The following RIMBP2 variants were observed in gnomAD, a reference collection of about 807,000 sequenced individuals.
RIMBP2 encodes the protein RIMS-binding protein 2.
Under a neutral mutation model 118.6 loss-of-function variants are expected in RIMBP2, and 48 were observed. That is an observed-to-expected ratio of 0.40 (90% CI 0.32 to 0.51). The LOEUF (loss-of-function observed/expected upper bound fraction) is 0.51, where lower values mean the gene tolerates loss of function less well. Among genes scored for constraint, RIMBP2 ranks in the 20% least tolerant of loss-of-function variants. RIMBP2 has a pLI of 0.41. For synonymous variants in RIMBP2, 762 were observed against 742.9 expected, an observed-to-expected ratio of 1.03 and a Z score of -0.42; for missense variants, 1,551 against 1,768.3, an observed-to-expected ratio of 0.88 and a Z score of 2.20.
At chr12:130,594,180 C>T (rs2059428973) in intron 2 of RIMBP2, among the ~76,000 whole-genome samples, 1 of 152,224 alleles carries the variant, frequency 6.6e-6, no homozygotes, top group Non-Finnish European at 1.5e-5. Context: ...TGGGAAGAAC[C>T]TTCCGTCATG....
At chr12:130,616,116 G>A (rs556675802) in intron 2 of RIMBP2, among the ~76,000 whole-genome samples, 23 of 152,222 alleles carry the variant, frequency 1.5e-4, no homozygotes, top group Middle Eastern at 3.4e-3. Flanking sequence ...AGGGATGTCT[G>A]ATGTTACAGA....
In RIMBP2 at chr12:130,451,244, G is replaced by A. The variant is rs2078984890; in HGVS notation, c.455C>T (p.Pro152Leu). 6.2e-7 allele frequency: 1 copy of A among 1,614,146 alleles called. No homozygotes were observed. ...GDRPEPLSAK[P>L]TFLSRSGSAR... ...GCTACCGGATCTCGACAGGAAGGTG[G>A]GCTTGGCGGACAGAGGCTCCGGCCT... The change falls in exon 8 of 23, where the codon CCC (proline) becomes CTC (leucine). Residue 152 changes from proline to leucine, a missense_variant. Pro to Leu is a moderately conservative substitution (Grantham distance 98). Transcript: ENST00000690449.
rs940402901 is a variant in RIMBP2 at position 130,469,464 on chromosome 12, G to A, written c.153+1229C>T. Among the ~76,000 whole-genome samples the A allele has an allele frequency of 3.8e-4, 58 of 152,180 alleles. 1 individual carries two copies. The highest frequency in any genetic ancestry group is 6.3e-4 in the Non-Finnish European group (43 of 68,040). ...AGGAGACGATGCAAATTAAAGTGCGGTGGATAACTCAGGCCAGGGAAAGTG... is the reference window on the plus strand; with the variant it reads ...AGGAGACGATGCAAATTAAAGTGCGATGGATAACTCAGGCCAGGGAAAGTG... On this transcript the variant is annotated intron_variant, in intron 6 of 22. Coordinates refer to ENST00000690449, the MANE Select transcript of RIMBP2 (RefSeq NM_001393629.1). The surrounding 1 kb of genome is among the most constrained non-coding windows in gnomAD (Gnocchi z 4.8).
Position 130,581,067 on chromosome 12 carries a change from G to A in RIMBP2, c.-217+47255C>T, listed in dbSNP as rs577783877. On this transcript the variant is annotated intron_variant, in intron 2 of 22. Transcript: ENST00000690449. The surrounding 1 kb of genome is among the most constrained non-coding windows in gnomAD (Gnocchi z 4.4). ...GCACTGAGGCAGGGGCCTCGTGGCC[G>A]CACCCTCATCCTGCCCTTCACCTGC... 3.9e-5 allele frequency among the ~76,000 whole-genome samples: 6 copies of A among 152,100 alleles called. No homozygotes were observed. Among genetic ancestry groups the A allele is most frequent in the Admixed American group, 2.0e-4 (3 of 15,274 alleles).
intron 2 of RIMBP2, among the ~76,000 whole-genome samples, chr12:130,551,155 C>T (rs1274999556): frequency 6.6e-6 from 1 of 152,082 alleles, no homozygotes; most frequent in Non-Finnish European, 1.5e-5. Flanking sequence ...TCAAGTGAAG[C>T]AGGAATTACA....
intron 2 of RIMBP2, among the ~76,000 whole-genome samples, chr12:130,597,238 ATTT>A (rs923254980): frequency 1.3e-4 from 20 of 152,156 alleles, no homozygotes; most frequent in African/African-American, 4.1e-4. Context: ...CATCGTTTTT[ATTT>A]TTATTTATTT....
intron 1 of RIMBP2, among the ~76,000 whole-genome samples, chr12:130,675,713 G>A (rs182851384): frequency 9.9e-4 from 151 of 152,238 alleles, no homozygotes; most frequent in African/African-American, 3.6e-3. Flanking sequence ...CACAATTACA[G>A]CACTCCGATA....
chr12:130,633,986 G>A (rs996741037), intron 1 of RIMBP2: 2 of 152,276 alleles, frequency 1.3e-5, no homozygotes, highest in African/African-American at 4.8e-5. Flanking sequence ...ACTGCTTTGT[G>A]TCAGCTGAAT....
chr12:130,428,121 A>G (rs2076914052), intron 15 of RIMBP2, 58 bp downstream of exon 15: 1 of 1,477,956 alleles, frequency 6.8e-7, no homozygotes, highest in Admixed American at 2.2e-5. Context: ...CAGCAAAGGG[A>G]CGTGGATGGA....
At chr12:130,692,586 C>A (rs1473159171) in intron 1 of RIMBP2, among the ~76,000 whole-genome samples, 1 of 151,878 alleles carries the variant, frequency 6.6e-6, no homozygotes. Context: ...CACCCCAAAC[C>A]CTCTTTCCCC....
At chr12:130,564,188 T>C (rs2057040328) in intron 2 of RIMBP2, among the ~76,000 whole-genome samples, 1 of 147,720 alleles carries the variant, frequency 6.8e-6, no homozygotes, top group Non-Finnish European at 1.5e-5. Flanking sequence ...CCTCTTCCTC[T>C]TCTCCCAGGT....
intron 2 of RIMBP2, among the ~76,000 whole-genome samples, chr12:130,547,680 AG>A (rs1362303025): frequency 6.6e-6 from 1 of 152,224 alleles, no homozygotes; most frequent in African/African-American, 2.4e-5. Context: ...GGGGAAGATC[AG>A]GACACGGCTG....
chr12:130,509,694 C>T (rs746385622), intron 3 of RIMBP2, among the ~76,000 whole-genome samples: 3 of 151,008 alleles, frequency 2.0e-5, no homozygotes, highest in Non-Finnish European at 4.4e-5. Flanking sequence ...AGACTCCCAA[C>T]CTCCTTTGCA....
At chr12:130,527,916 G>A (rs1356996829) in intron 2 of RIMBP2, among the ~76,000 whole-genome samples, 4 of 152,130 alleles carry the variant, frequency 2.6e-5, no homozygotes, top group Non-Finnish European at 4.4e-5. Context: ...AGTCAGAATG[G>A]CGATTACTAA....
chr12:130,581,392 A>C lies in RIMBP2; in HGVS notation c.-217+46930T>G, dbSNP rs570302244. 1.3e-5 allele frequency among the ~76,000 whole-genome samples: 2 copies of C among 152,138 alleles called. No homozygotes were observed. The highest frequency in any genetic ancestry group is 4.8e-5 in the African/African-American group (2 of 41,410). ...GCTGTCTTAAGAGTTGATTTTACAT[A>C]AACTCCAAAAGTTCCATCTCCATCC... On this transcript the variant is annotated intron_variant, in intron 2 of 22. Coordinates refer to ENST00000690449, the MANE Select transcript of RIMBP2 (RefSeq NM_001393629.1). The surrounding 1 kb of genome is among the most constrained non-coding windows in gnomAD (Gnocchi z 4.4).
chr12:130,554,135 A>G (rs1057202317), intron 2 of RIMBP2, among the ~76,000 whole-genome samples: 21 of 152,240 alleles, frequency 1.4e-4, no homozygotes, highest in African/African-American at 5.1e-4. Context: ...CATATGTAAT[A>G]GCAAAGAATA....
chr12:130,440,490 C>T (rs185316552), intron 11 of RIMBP2, among the ~76,000 whole-genome samples: 6 of 152,284 alleles, frequency 3.9e-5, no homozygotes, highest in Admixed American at 2.6e-4. Context: ...CCCTCCTCTA[C>T]CTGAATCTCT....
intron 1 of RIMBP2, among the ~76,000 whole-genome samples, chr12:130,640,743 G>C (rs189055767): frequency 2.0e-5 from 3 of 152,298 alleles, no homozygotes; most frequent in Middle Eastern, 3.4e-3. Flanking sequence ...CTGGCCCCAG[G>C]GACCGCACAG....
chr12:130,460,436 TAG>T (rs1358027838), intron 6 of RIMBP2, among the ~76,000 whole-genome samples: 1 of 152,188 alleles, frequency 6.6e-6, no homozygotes, highest in African/African-American at 2.4e-5. Flanking sequence ...GCTTTGGTAT[TAG>T]AGCATTAACA....
Sources: allele counts gnomAD v4.1 joint callset (sites outside exome capture counted in the v4.1 genomes callset), GRCh38; gene constraint gnomAD v4.1.1; non-coding constraint Gnocchi (gnomAD v3.1); transcripts MANE v1.5; gene names NCBI Gene and HGNC (gene_info 2026-07-23, HGNC 2026-07-21).